Variants in CUX1 observed in about 807,000 individuals in gnomAD.
The protein encoded by CUX1 is protein CASP.
In CUX1, 31 loss-of-function variants were observed where a neutral mutation model predicts 158.8. The ratio of observed to expected loss-of-function variants is 0.20; its 90% CI spans 0.15 to 0.26. CUX1 has a LOEUF of 0.26. CUX1 is among the 10% of genes least tolerant of loss of function. The pLI is 1.00. For missense variants in CUX1, 1,589 were observed against 2,014.6 expected, an observed-to-expected ratio of 0.79 and a Z score of 4.04; for synonymous variants, 879 against 862.1, an observed-to-expected ratio of 1.02 and a Z score of -0.34.
chr7:101,825,188 C>T (rs1793117626), intron 1 of CUX1, among the ~76,000 whole-genome samples: 1 of 152,198 alleles, frequency 6.6e-6, no homozygotes, highest in African/African-American at 2.4e-5. Context: ...TAATCAAATC[C>T]CATCTTCCCT....
intron 2 of CUX1, chr7:101,960,038 G>GA (rs1491473685): frequency 6.6e-6 from 1 of 152,184 alleles, no homozygotes; most frequent in East Asian, 1.9e-4. Context: ...AAATGAAATT[G>GA]AGAGAGCTTT....
At chr7:102,173,283 C>A (rs1791936429) in intron 10 of CUX1, among the ~76,000 whole-genome samples, 1 of 152,156 alleles carries the variant, frequency 6.6e-6, no homozygotes, top group South Asian at 2.1e-4. Context: ...TCGCTTGAAC[C>A]TGGGAGACAG....
At chr7:101,900,632 T>C (rs1316445734) in intron 1 of CUX1, among the ~76,000 whole-genome samples, 1 of 152,206 alleles carries the variant, frequency 6.6e-6, no homozygotes, top group Non-Finnish European at 1.5e-5. Flanking sequence ...AACTTTTCCT[T>C]GTAAAATCCA....
At chr7:101,848,487 A>C (rs1021759024) in intron 1 of CUX1, among the ~76,000 whole-genome samples, 2 of 152,252 alleles carry the variant, frequency 1.3e-5, no homozygotes, top group Non-Finnish European at 2.9e-5. Flanking sequence ...TCAGATCCAG[A>C]TGGCAAAAGA....
intron 18 of CUX1, among the ~76,000 whole-genome samples, chr7:102,203,388 T>C (rs1417586218): frequency 3.3e-5 from 5 of 150,022 alleles, no homozygotes; most frequent in Admixed American, 2.0e-4. Context: ...GTCCCCGCAC[T>C]CCCCACCCCG....
At chr7:102,123,236 TAAA>T (rs200334224) in intron 8 of CUX1, among the ~76,000 whole-genome samples, 1 of 132,468 alleles carries the variant, frequency 7.5e-6, no homozygotes, top group Non-Finnish European at 1.7e-5. Context: ...GTCTCAAAAA[TAAA>T]AAAAAAAGAG....
At position 101,917,588 on chromosome 7, in the gene CUX1, A is replaced by G. The variant is rs1375185931; in HGVS notation, c.141+1363A>G. 3.9e-5 allele frequency among the ~76,000 whole-genome samples: 6 copies of G among 152,106 alleles called. No individual in the cohort carries two copies. The East Asian group carries it at 1.2e-3, about 29-fold the overall frequency. On this transcript the variant is annotated intron_variant, in intron 2 of 23. Coordinates refer to ENST00000292535, the MANE Select transcript of CUX1 (RefSeq NM_181552.4). ...TCTCCATGTCAGCCTTGCCATGAGT[A>G]AAAACAGGAGGAAAAAAAGAGCTGG...
downstream of CUX1, among the ~76,000 whole-genome samples, chr7:102,260,694 G>C (rs1202394400): frequency 6.6e-6 from 1 of 150,534 alleles, no homozygotes; most frequent in Non-Finnish European, 1.5e-5. Context: ...AAAGTGCTGG[G>C]ATTACAGGCG....
intron 4 of CUX1, among the ~76,000 whole-genome samples, chr7:102,077,721 C>G (rs1337160528): frequency 6.6e-6 from 1 of 152,116 alleles, no homozygotes; most frequent in Non-Finnish European, 1.5e-5. Context: ...ATGTGACCCT[C>G]TCAGGTAGCT....
chr7:101,827,982 T>TG (rs970444431), intron 1 of CUX1, among the ~76,000 whole-genome samples: 2 of 149,324 alleles, frequency 1.3e-5, no homozygotes, highest in African/African-American at 4.9e-5. Flanking sequence ...TGTTTTTTTT[T>TG]TTTTTTTTTT....
rs1327177519 is a variant in CUX1 at position 102,254,569 on chromosome 7, T to G, written c.*5527T>G. 1.0e-6 allele frequency: 1 copy of G among 985,486 alleles called. No individual in the cohort carries two copies. The highest frequency in any genetic ancestry group is 1.2e-6 in the Non-Finnish European group (1 of 829,988). The allele number at this position is 985,486 out of a possible 1,614,324, so 61.0% of individuals were successfully genotyped here. On this transcript the variant is annotated 3_prime_UTR_variant, in exon 24 of 24. Transcript: ENST00000292535. ...GGTCTGTCCACTGTGGGGGCCAAAG[T>G]GTTCCCCTGCTGGAGACAGTTTGCA...
downstream of CUX1, among the ~76,000 whole-genome samples, chr7:102,262,853 G>A (rs1188541509): frequency 3.3e-5 from 5 of 152,134 alleles, no homozygotes; most frequent in East Asian, 1.9e-4. Flanking sequence ...ACCGTGGGCC[G>A]CTGCCTTACA....
At chr7:102,007,903 C>T (rs1041676667) in intron 2 of CUX1, among the ~76,000 whole-genome samples, 1 of 151,950 alleles carries the variant, frequency 6.6e-6, no homozygotes, top group African/African-American at 2.4e-5. Context: ...CGCCACCACA[C>T]CCGGCTAATT....
intron 2 of CUX1, among the ~76,000 whole-genome samples, chr7:101,939,936 C>G (rs1041008104): frequency 9.9e-5 from 15 of 152,090 alleles, no homozygotes; most frequent in East Asian, 5.8e-4. Flanking sequence ...CAAAAATTAG[C>G]CAGGCATGGT....
intron 8 of CUX1, among the ~76,000 whole-genome samples, chr7:102,121,614 G>A (rs553807975): frequency 6.6e-6 from 1 of 152,270 alleles, no homozygotes; most frequent in East Asian, 1.9e-4. Context: ...CTGAAGTGCT[G>A]GGATGACAGG....
intron 8 of CUX1, among the ~76,000 whole-genome samples, chr7:102,131,331 G>A (rs1554497105): frequency 6.6e-6 from 1 of 151,894 alleles, no homozygotes; most frequent in Non-Finnish European, 1.5e-5. Context: ...TTTTGCAGAC[G>A]TCAAAACTAA....
chr7:102,024,479 A>G (rs922065674), intron 2 of CUX1, among the ~76,000 whole-genome samples: 14 of 152,106 alleles, frequency 9.2e-5, no homozygotes, highest in African/African-American at 3.4e-4. Context: ...GGCATGCACC[A>G]CCACGCCCAG....
chr7:102,028,718 A>C (rs1385401186), intron 3 of CUX1, among the ~76,000 whole-genome samples: 1 of 152,232 alleles, frequency 6.6e-6, no homozygotes, highest in Non-Finnish European at 1.5e-5. Context: ...GTCACCTGGG[A>C]CATCCGCCCT....
chr7:101,939,041 CAA>C (rs561235456), intron 2 of CUX1, among the ~76,000 whole-genome samples: 4 of 68,262 alleles, frequency 5.9e-5, no homozygotes, highest in African/African-American at 1.8e-4. Context: ...AACTCTGTCT[CAA>C]AAAAAAAAAA....
Sources: allele counts gnomAD v4.1 joint callset (sites outside exome capture counted in the v4.1 genomes callset), GRCh38; gene constraint gnomAD v4.1.1; transcripts MANE v1.5; gene names NCBI Gene and HGNC (gene_info 2026-07-23, HGNC 2026-07-21).